Variants in WWOX observed in about 807,000 individuals in gnomAD.
WWOX encodes the protein WW domain containing oxidoreductase.
Under a neutral mutation model 46.2 loss-of-function variants are expected in WWOX, and 69 were observed. The ratio of observed to expected loss-of-function variants is 1.49; its 90% CI spans 1.23 to 1.82. WWOX has a LOEUF of 1.82. Among genes scored for constraint, WWOX ranks in the 40% most tolerant of loss-of-function variants. The pLI, the probability that WWOX is intolerant of heterozygous loss-of-function variation, is 0.00. For missense variants in WWOX, 919 were observed against 542.6 expected, an observed-to-expected ratio of 1.69 and a Z score of -6.89; for synonymous variants, 359 against 202.6, an observed-to-expected ratio of 1.77 and a Z score of -6.56.
intron 4 of WWOX, among the ~76,000 whole-genome samples, chr16:78,143,973 A>G (rs1214454603): frequency 3.3e-5 from 5 of 152,114 alleles, no homozygotes; most frequent in South Asian, 4.2e-4. Context: ...CATAATTTAC[A>G]TGTTGTAAAA....
intron 5 of WWOX, among the ~76,000 whole-genome samples, chr16:78,386,373 G>C (rs1313890628): frequency 6.6e-6 from 1 of 152,100 alleles, no homozygotes; most frequent in African/African-American, 2.4e-5. Flanking sequence ...TGGTATAAAC[G>C]AGTCTTTCTG....
intron 8 of WWOX, among the ~76,000 whole-genome samples, chr16:78,617,759 T>G (rs1365732557): frequency 6.6e-6 from 1 of 152,218 alleles, no homozygotes; most frequent in Non-Finnish European, 1.5e-5. Flanking sequence ...CTTGGGCATC[T>G]CACGCATTGG....
chr16:78,999,610 A>T (rs778093555), intron 8 of WWOX, among the ~76,000 whole-genome samples: 1 of 152,274 alleles, frequency 6.6e-6, no homozygotes, highest in Admixed American at 6.5e-5. Context: ...AAATTTTAGG[A>T]ATACTTTAAT....
chr16:78,456,797 G>A (rs2083829275), intron 8 of WWOX, among the ~76,000 whole-genome samples: 1 of 152,204 alleles, frequency 6.6e-6, no homozygotes, highest in Non-Finnish European at 1.5e-5. Context: ...AAGTGCTGTG[G>A]CTTTTTAGTG....
At chr16:78,761,710 T>A (rs1186869933) in intron 8 of WWOX, among the ~76,000 whole-genome samples, 3 of 152,234 alleles carry the variant, frequency 2.0e-5, no homozygotes, top group Non-Finnish European at 4.4e-5. Flanking sequence ...AAGCTCTCCT[T>A]TGTGGCACTA....
chr16:78,722,710 T>G (rs577810906), intron 8 of WWOX, among the ~76,000 whole-genome samples: 2,924 of 150,340 alleles, frequency 0.019, 96 homozygotes, highest in African/African-American at 0.068. Flanking sequence ...TTTTTTTTTT[T>G]TTTTTTTTTT....
chr16:79,114,261 T>G (rs1174217573), intron 8 of WWOX, among the ~76,000 whole-genome samples: 2 of 152,008 alleles, frequency 1.3e-5, no homozygotes, highest in African/African-American at 2.4e-5. Flanking sequence ...GTAGGGTCTT[T>G]GCAGATGTCA....
At chr16:79,125,166 A>C (rs959173326) in intron 8 of WWOX, among the ~76,000 whole-genome samples, 5 of 152,112 alleles carry the variant, frequency 3.3e-5, no homozygotes, top group Non-Finnish European at 1.5e-5. Context: ...AGAATGATGA[A>C]TATTCATTTT....
intron 8 of WWOX, among the ~76,000 whole-genome samples, chr16:78,650,690 C>T (rs2046947294): frequency 6.6e-6 from 1 of 152,086 alleles, no homozygotes; most frequent in Non-Finnish European, 1.5e-5. Flanking sequence ...AATCAGAGGC[C>T]AACATGGACT....
At chr16:78,674,294 T>TC (rs398038366) in intron 8 of WWOX, among the ~76,000 whole-genome samples, 1 of 151,156 alleles carries the variant, frequency 6.6e-6, no homozygotes, top group Non-Finnish European at 1.5e-5. Context: ...TTTTTTTTTT[T>TC]CTTTTTTCGA....
chr16:78,282,937 T>G (rs1286787598), intron 5 of WWOX, among the ~76,000 whole-genome samples: 1 of 149,916 alleles, frequency 6.7e-6, no homozygotes, highest in African/African-American at 2.5e-5. Context: ...GTGGCTTAGC[T>G]GAAGATCAGC....
At position 78,332,761 on chromosome 16, in the gene WWOX, A is replaced by G. The variant is rs193077604; in HGVS notation, c.517-54099A>G. On this transcript the variant is annotated intron_variant, in intron 5 of 8. Transcript: ENST00000566780. ...CACTGAGTGTGCCTTTTGCTCTGTTAAGTGTGCATTCAGAACTTTACTAAC... is the reference window on the plus strand; with the variant it reads ...CACTGAGTGTGCCTTTTGCTCTGTTGAGTGTGCATTCAGAACTTTACTAAC... Among the ~76,000 whole-genome samples the G allele has an allele frequency of 2.0e-4, 31 of 152,200 alleles. No homozygotes were observed. The East Asian group carries it at 6.0e-3, about 29-fold the overall frequency.
intron 8 of WWOX, among the ~76,000 whole-genome samples, chr16:78,863,935 C>G (rs572220559): frequency 1.3e-5 from 2 of 152,292 alleles, no homozygotes; most frequent in Non-Finnish European, 1.5e-5. Flanking sequence ...GTCCATCTCT[C>G]TTTGTGTGGC....
At chr16:78,178,469 G>C (rs1284343930) in intron 5 of WWOX, among the ~76,000 whole-genome samples, 2 of 152,152 alleles carry the variant, frequency 1.3e-5, no homozygotes, top group Admixed American at 1.3e-4. Context: ...GAACCTTCTG[G>C]ATTCTTCCTC....
rs533235015 is a variant in WWOX at position 78,664,846 on chromosome 16, C to T, written c.1056+232094C>T. Among the ~76,000 whole-genome samples the T allele has an allele frequency of 1.0e-3, 153 of 152,268 alleles. 1 individual carries two copies. The highest frequency in any genetic ancestry group is 3.5e-3 in the African/African-American group (145 of 41,546). On this transcript the variant is annotated intron_variant, in intron 8 of 8. Transcript: ENST00000566780. ...ATTTGCAGGCAACAAGAGTCCAATTCTAAATGTGTGCATGTGCGTAAAACG... is the reference window on the plus strand; with the variant it reads ...ATTTGCAGGCAACAAGAGTCCAATTTTAAATGTGTGCATGTGCGTAAAACG...
At chr16:78,959,918 A>G (rs1269722016) in intron 8 of WWOX, among the ~76,000 whole-genome samples, 1 of 152,218 alleles carries the variant, frequency 6.6e-6, no homozygotes, top group Non-Finnish European at 1.5e-5. Context: ...GAGTTTCTAG[A>G]TGACCTAAGT....
chr16:78,164,386 C>G, intron 5 of WWOX, 97 bp downstream of exon 5: 6 of 1,065,834 alleles, frequency 5.6e-6, no homozygotes, highest in Non-Finnish European at 8.5e-6. Context: ...GTTTATTGCT[C>G]TTGGAATCAT....
chr16:78,164,334 A>C (rs763254865), intron 5 of WWOX, 45 bp downstream of exon 5: 4 of 1,550,092 alleles, frequency 2.6e-6, no homozygotes, highest in Non-Finnish European at 3.5e-6. Context: ...TCAAATACAC[A>C]TGCCGGGCTA....
chr16:78,336,420 C>T (rs759722437), intron 5 of WWOX, among the ~76,000 whole-genome samples: 1 of 147,816 alleles, frequency 6.8e-6, no homozygotes, highest in Non-Finnish European at 1.5e-5. Context: ...GCAGGAGAAT[C>T]TCTTGAATCC....
Sources: allele counts gnomAD v4.1 joint callset (sites outside exome capture counted in the v4.1 genomes callset), GRCh38; gene constraint gnomAD v4.1.1; transcripts MANE v1.5; gene names NCBI Gene and HGNC (gene_info 2026-07-23, HGNC 2026-07-21).